Variants in AGR2 observed in about 807,000 individuals in gnomAD.
The protein encoded by AGR2 is anterior gradient 2, protein disulphide isomerase family member, also known as anterior gradient protein 2 homolog.
A neutral mutation model predicts 25.9 loss-of-function variants in AGR2; 27 were observed. That is an observed-to-expected ratio of 1.04 (90% CI 0.77 to 1.44). The LOEUF (loss-of-function observed/expected upper bound fraction) is 1.44. Ranked by LOEUF, AGR2 falls within the 40% of genes most tolerant of loss-of-function variation. The pLI, the probability that AGR2 is intolerant of heterozygous loss-of-function variation, is 0.00. For missense variants in AGR2, 182 were observed against 200.9 expected (o/e 0.91, Z 0.57); for synonymous variants, 78 against 72.0 (o/e 1.08, Z -0.42).
Position 16,792,715 on chromosome 7 carries a change from T to C in AGR2, c.*193A>G. ...CATGGCTCACTATGGTAGTATACAA[T>C]ATTGTTTTCACACATGTACACTTGA... On this transcript the variant is annotated 3_prime_UTR_variant, in exon 8 of 8. Coordinates refer to ENST00000419304, the MANE Select transcript of AGR2 (RefSeq NM_006408.4). The C allele has an allele frequency of 3.3e-6, 2 of 600,554 alleles. No individual in the cohort carries two copies. The highest frequency in any genetic ancestry group is 5.9e-6 in the Non-Finnish European group (2 of 336,296). The allele number at this position is 600,554 out of a possible 1,614,324, so 37.2% of individuals were successfully genotyped here. A position where few individuals can be genotyped will look rare whatever the true frequency, so the allele number is the denominator to read the frequency against.
chr7:16,800,128 G>GT (rs1785116921), intron 4 of AGR2, among the ~76,000 whole-genome samples: 1 of 152,186 alleles, frequency 6.6e-6, no homozygotes, highest in African/African-American at 2.4e-5. Flanking sequence ...AAAAGCATGT[G>GT]TTTTTTCACA....
In AGR2 at chr7:16,793,990, T is replaced by A. The variant is rs117009487; in HGVS notation, c.478+946A>T. Among the ~76,000 whole-genome samples, 605 of 152,362 alleles carry A rather than the reference T, an allele frequency of 4.0e-3. 3 individuals carry two copies. The highest frequency in any genetic ancestry group is 5.9e-3 in the Non-Finnish European group (404 of 68,030). On this transcript the variant is annotated intron_variant, in intron 7 of 7. Coordinates refer to ENST00000419304, the MANE Select transcript of AGR2 (RefSeq NM_006408.4). ...TTAAGAGCTTAGTCTTATTAAAATG[T>A]ATGGTATTATCTCAGTAATGGCTGA...
Position 16,801,755 on chromosome 7 carries a change from G to C in AGR2, c.42C>G (p.Ala14=). ...IPVSAFLLLV[A]LSYTLARDTT... is the part of the protein sequence containing the mutation. ...TATCTCTGGCCAGAGTGTAGGAGAG[G>C]GCCACAAGGAGCAAGAATGCTGACA... Residue 14 remains alanine, a synonymous_variant, in exon 2 of 8, where the codon GCC becomes GCG. Coordinates refer to ENST00000419304, the MANE Select transcript of AGR2 (RefSeq NM_006408.4). The C allele has an allele frequency of 3.1e-6, 5 of 1,612,968 alleles. No homozygotes were observed. The highest frequency in any genetic ancestry group is 4.2e-6 in the Non-Finnish European group (5 of 1,179,698).
rs1180029238 is a variant in AGR2 at position 16,791,929 on chromosome 7, G to A, written c.*979C>T. 6.6e-6 allele frequency: 1 copy of A among 152,426 alleles called. No homozygotes were observed. The highest frequency in any genetic ancestry group is 3.4e-3 in the Middle Eastern group (1 of 296). 9.4% of individuals were successfully genotyped at this position (152,426 alleles called of 1,614,324 possible). On this transcript the variant is annotated 3_prime_UTR_variant, in exon 8 of 8. Transcript: ENST00000419304. ...AGAAATCAGGAGGGGCTGGGCAGTA[G>A]AGGAATTCCATATATTAATGAATGT...
At chr7:16,803,000 G>A (rs1368967575) in intron 1 of AGR2, 2 of 151,892 alleles carry the variant, frequency 1.3e-5, no homozygotes, top group Non-Finnish European at 2.9e-5. Context: ...ACTTGGCTAT[G>A]CTTTTGTATT....
chr7:16,800,359 C>G (rs912326952), intron 4 of AGR2, among the ~76,000 whole-genome samples: 1 of 152,166 alleles, frequency 6.6e-6, no homozygotes, highest in Non-Finnish European at 1.5e-5. Context: ...AAAGCACTAG[C>G]TGTGAGGTGG....
chr7:16,800,818 G>A (rs1356192963), intron 4 of AGR2, among the ~76,000 whole-genome samples: 1 of 152,226 alleles, frequency 6.6e-6, no homozygotes, highest in South Asian at 2.1e-4. Flanking sequence ...TTGGGGCCCT[G>A]TGAGATGGCA....
At chr7:16,802,751 G>C (rs1279976385) in intron 1 of AGR2, among the ~76,000 whole-genome samples, 1 of 151,770 alleles carries the variant, frequency 6.6e-6, no homozygotes, top group Non-Finnish European at 1.5e-5. Context: ...TATCTATATA[G>C]ATATATATAT....
At chr7:16,797,319 G>A (rs1287792726) in intron 6 of AGR2, among the ~76,000 whole-genome samples, 3 of 152,168 alleles carry the variant, frequency 2.0e-5, no homozygotes. Context: ...ATATTTGCAG[G>A]CCTCTCGTAT....
At chr7:16,804,816 C>G (rs1785207199) in intron 1 of AGR2, 119 bp downstream of exon 1, 1 of 152,280 alleles carries the variant, frequency 6.6e-6, no homozygotes, top group East Asian at 1.9e-4. Flanking sequence ...TATCCTACTT[C>G]ATTGCCTTTG....
intron 5 of AGR2, among the ~76,000 whole-genome samples, chr7:16,799,049 A>C (rs562805361): frequency 2.2e-4 from 33 of 152,122 alleles, no homozygotes; most frequent in Non-Finnish European, 4.1e-4. Flanking sequence ...ATGGAAAGAG[A>C]AAAGGGTCAA....
chr7:16,798,074 A>G (rs1423614356), intron 5 of AGR2, among the ~76,000 whole-genome samples: 1 of 152,208 alleles, frequency 6.6e-6, no homozygotes, highest in Non-Finnish European at 1.5e-5. Context: ...TCCATTTATC[A>G]ATTTTTATTT....
At chr7:16,801,230 T>C in intron 3 of AGR2, 27 bp from the exon 4 acceptor site, 1 of 1,612,556 alleles carries the variant, frequency 6.2e-7, no homozygotes, top group Non-Finnish European at 8.5e-7. Flanking sequence ...TTAGACAAAT[T>C]TTAATGAGTA....
intron 6 of AGR2, 108 bp from the exon 7 acceptor site, chr7:16,795,127 T>G: frequency 1.6e-6 from 2 of 1,217,732 alleles, no homozygotes; most frequent in South Asian, 2.6e-5. Context: ...TGTGAGGGAA[T>G]GGAGTGTGTC....
rs771727052 is a variant in AGR2, at chr7:16,797,742, C to T, written c.331-48G>A. 7.9e-6 allele frequency: 12 copies of T among 1,520,290 alleles called. No homozygotes were observed. In the East Asian group the frequency reaches 1.6e-4, roughly 20 times the overall value. The allele number at this position is 1,520,290 out of a possible 1,614,324, so 94.2% of individuals were successfully genotyped here. A position where few individuals can be genotyped will look rare whatever the true frequency, so the allele number is the denominator to read the frequency against. On this transcript the variant is annotated intron_variant, in intron 5 of 7. Transcript: ENST00000419304. Reference sequence around the variant, plus strand: ...TTTTAGTTTACTTTGACTTTTCAGTCGTTTTCAAACTTGTTAATACAAGAA... The same window carrying T: ...TTTTAGTTTACTTTGACTTTTCAGTTGTTTTCAAACTTGTTAATACAAGAA...
Position 16,801,377 on chromosome 7 carries a change from C to A in AGR2, c.146G>T (p.Gly49Val), listed in dbSNP as rs1785139657. ...KLPQTLSRGWGDQLIWTQTYE... is the reference protein window; with the variant it reads ...KLPQTLSRGWVDQLIWTQTYE... ...TGTCTGAGTCCAGATGAGTTGGTCA[C>A]CCCAACCTAGAATGAAATGAATCAG... is the stretch of plus-strand genomic sequence containing the variant. Residue 49 changes from glycine (G) to valine (V), a missense_variant, in exon 3 of 8, where the codon GGT (glycine) becomes GTT (valine). Gly to Val is a moderately radical substitution (Grantham distance 109). Coordinates refer to ENST00000419304, the MANE Select transcript of AGR2 (RefSeq NM_006408.4). 6.2e-7 allele frequency: 1 copy of A among 1,612,952 alleles called. No homozygotes were observed. Among genetic ancestry groups the A allele is most frequent in the South Asian group, 1.1e-5 (1 of 90,906 alleles).
At chr7:16,799,160 T>G (rs909877913) in intron 5 of AGR2, among the ~76,000 whole-genome samples, 1 of 152,144 alleles carries the variant, frequency 6.6e-6, no homozygotes, top group Non-Finnish European at 1.5e-5. Context: ...AAGTGGTCTT[T>G]AAGGAAGCCA....
intron 5 of AGR2, among the ~76,000 whole-genome samples, 197 bp from the exon 6 acceptor site, chr7:16,797,891 A>C (rs1449372622): frequency 6.6e-6 from 1 of 152,212 alleles, no homozygotes. Context: ...ACATGAGATA[A>C]AGTGCTGAAT....
At chr7:16,797,422 G>A (rs1218938986) in intron 6 of AGR2, among the ~76,000 whole-genome samples, 2 of 152,180 alleles carry the variant, frequency 1.3e-5, no homozygotes, top group African/African-American at 2.4e-5. Flanking sequence ...ATTAGCATGT[G>A]AGAAAAGAAA....
Sources: gnomAD v4.1 joint callset for allele counts (sites outside exome capture counted in the v4.1 genomes callset) on GRCh38, gnomAD v4.1.1 for gene constraint, MANE v1.5 for transcripts, NCBI Gene and HGNC (gene_info 2026-07-23, HGNC 2026-07-21) for gene names.